Variants in RSPRY1 observed in about 807,000 individuals in gnomAD.
RSPRY1 encodes RING finger and SPRY domain-containing protein 1.
A neutral mutation model predicts 73.1 loss-of-function variants in RSPRY1; 23 were observed. That is an observed-to-expected ratio of 0.31 (90% CI 0.23 to 0.45). RSPRY1 has a LOEUF of 0.45. Ranked by LOEUF, RSPRY1 falls within the 20% of genes least tolerant of loss-of-function variation. The pLI, the probability that RSPRY1 is intolerant of heterozygous loss-of-function variation, is 1.00. For synonymous variants in RSPRY1, 226 were observed against 251.4 expected (o/e 0.90, Z 0.95); for missense variants, 448 against 698.7 (o/e 0.64, Z 4.05).
intron 10 of RSPRY1, among the ~76,000 whole-genome samples, chr16:57,225,349 C>T (rs1246246276): frequency 6.6e-6 from 1 of 152,226 alleles, no homozygotes; most frequent in Admixed American, 6.5e-5. Flanking sequence ...CTGCTCTTGG[C>T]AGCCTTGGGT....
chr16:57,230,822 C>T lies in RSPRY1; in HGVS notation c.1376+9C>T. ...GTCTTTTCATCTACTGTGTAAGTAGCTCTTCTCAGTCAAAAATTCGAGTAG... is the reference window on the plus strand; with the variant it reads ...GTCTTTTCATCTACTGTGTAAGTAGTTCTTCTCAGTCAAAAATTCGAGTAG... On this transcript the variant is annotated intron_variant, in intron 12 of 14. Coordinates refer to ENST00000394420, the MANE Select transcript of RSPRY1 (RefSeq NM_133368.3). 6.6e-7 allele frequency: 1 copy of T among 1,523,076 alleles called. No individual in the cohort carries two copies. The highest frequency in any genetic ancestry group is 1.4e-5 in the African/African-American group (1 of 73,164). 94.3% of individuals were successfully genotyped at this position (1,523,076 alleles called of 1,614,324 possible). A position where few individuals can be genotyped will look rare whatever the true frequency, so the allele number is the denominator to read the frequency against.
At chr16:57,222,217 A>AT (rs201838465) in intron 10 of RSPRY1, among the ~76,000 whole-genome samples, 3,507 of 152,268 alleles carry the variant, frequency 0.023, 48 homozygotes, top group Non-Finnish European at 0.035. Flanking sequence ...ATCCAACAAA[A>AT]TCAAGCTAAA....
chr16:57,213,167 T>G (rs1436881734), intron 5 of RSPRY1, 69 bp downstream of exon 5: 1 of 1,464,492 alleles, frequency 6.8e-7, no homozygotes, highest in Admixed American at 2.1e-5. Context: ...TTGTACTGTA[T>G]GTCTTTGATC....
intron 7 of RSPRY1, 111 bp from the exon 8 acceptor site, chr16:57,216,793 C>A: frequency 1.0e-6 from 1 of 981,014 alleles, no homozygotes; most frequent in Non-Finnish European, 1.6e-6. Flanking sequence ...GAAGTCTAAT[C>A]TAGTCTCCAA....
chr16:57,220,984 G>A, intron 9 of RSPRY1, 137 bp downstream of exon 9: 1 of 693,486 alleles, frequency 1.4e-6, no homozygotes, highest in Non-Finnish European at 2.5e-6. Context: ...TCAGGGGGAA[G>A]TCTCAAAGAG....
rs546141489 is a variant in RSPRY1, at chr16:57,240,455, T to G, written c.*1480T>G. On this transcript the variant is annotated 3_prime_UTR_variant, in exon 15 of 15. Transcript: ENST00000394420. ...AATTTGCATTGAAGAATAAAACATC[T>G]GTTGCCTTTTTTGACTAAGATTTCA... is the stretch of plus-strand genomic sequence containing the variant. The G allele has an allele frequency of 1.3e-5, 2 of 152,298 alleles. No homozygotes were observed. The highest frequency in any genetic ancestry group is 4.8e-5 in the African/African-American group (2 of 41,566). The allele number at this position is 152,298 out of a possible 1,614,324, so 9.4% of individuals were successfully genotyped here. A position where few individuals can be genotyped will look rare whatever the true frequency, so the allele number is the denominator to read the frequency against.
At chr16:57,230,610 A>C in intron 11 of RSPRY1, 101 bp from the exon 12 acceptor site, 1 of 624,954 alleles carries the variant, frequency 1.6e-6, no homozygotes, top group East Asian at 2.7e-5. Context: ...ATAGCTAAAG[A>C]TGCAGACTTA....
At chr16:57,221,970 T>C (rs1296011424) in intron 10 of RSPRY1, among the ~76,000 whole-genome samples, 1 of 152,226 alleles carries the variant, frequency 6.6e-6, no homozygotes, top group African/African-American at 2.4e-5. Flanking sequence ...TTCCTCCCTT[T>C]CCTACAGATG....
intron 13 of RSPRY1, among the ~76,000 whole-genome samples, chr16:57,231,957 C>A (rs2075228506): frequency 6.6e-6 from 1 of 152,206 alleles, no homozygotes; most frequent in Admixed American, 6.5e-5. Context: ...TGAATGTAGT[C>A]TATTCCTTAG....
intron 11 of RSPRY1, among the ~76,000 whole-genome samples, chr16:57,228,547 G>GA (rs1228503783): frequency 2.0e-5 from 3 of 151,484 alleles, no homozygotes; most frequent in Non-Finnish European, 4.4e-5. Context: ...TTGAAAAATA[G>GA]AAAAAAAATG....
intron 10 of RSPRY1, among the ~76,000 whole-genome samples, chr16:57,222,661 T>A (rs1324749620): frequency 6.6e-6 from 1 of 152,210 alleles, no homozygotes; most frequent in Non-Finnish European, 1.5e-5. Flanking sequence ...CATACCAGAA[T>A]TCAGTGGCCT....
intron 1 of RSPRY1, among the ~76,000 whole-genome samples, chr16:57,202,892 A>ATATATATGAT (rs1555500028): frequency 6.2e-5 from 9 of 146,290 alleles, no homozygotes; most frequent in African/African-American, 2.2e-4. Flanking sequence ...ATATATATAT[A>ATATATATGAT]TATATATATA....
chr16:57,209,027 T>C (rs1189484825), intron 3 of RSPRY1, 48 bp from the exon 4 acceptor site: 2 of 1,270,900 alleles, frequency 1.6e-6, no homozygotes, highest in South Asian at 2.6e-5. Flanking sequence ...TATTTTCACA[T>C]TTTAAAAATA....
rs147866214 is a variant in RSPRY1, at chr16:57,203,888, A to G, written c.-155-616A>G. On this transcript the variant is annotated intron_variant, in intron 1 of 14. Transcript: ENST00000394420. ...TTTCCCAAAACAAAGCCTTGCTTAC[A>G]TAACAGAAACACTTTGCAACAACTT... 1.2e-3 allele frequency among the ~76,000 whole-genome samples: 184 copies of G among 152,378 alleles called. 1 individual carries two copies. The highest frequency in any genetic ancestry group is 6.8e-3 in the Admixed American group (104 of 15,308).
chr16:57,216,766 C>T lies in RSPRY1; in HGVS notation c.770-138C>T, dbSNP rs2074948509. The T allele has an allele frequency of 3.8e-6, 3 of 794,704 alleles. No individual in the cohort carries two copies. In the East Asian group the frequency reaches 7.6e-5, roughly 20 times the overall value. 49.2% of individuals were successfully genotyped at this position (794,704 alleles called of 1,614,324 possible). The stretch of plus-strand genomic sequence containing the variant: ...AGTCAAAGCTCTTTGGCTATGTTTT[C>T]CCTAGAAATTTTAATTGAAGTCTAA... On this transcript the variant is annotated intron_variant, in intron 7 of 14. Transcript: ENST00000394420.
At chr16:57,197,142 G>A (rs2074463025) in intron 1 of RSPRY1, among the ~76,000 whole-genome samples, 1 of 151,796 alleles carries the variant, frequency 6.6e-6, no homozygotes, top group East Asian at 1.9e-4. Context: ...TTTTTGAATG[G>A]ATGAAACAAA....
At chr16:57,203,417 A>G (rs2074663045) in intron 1 of RSPRY1, among the ~76,000 whole-genome samples, 1 of 152,296 alleles carries the variant, frequency 6.6e-6, no homozygotes, top group Non-Finnish European at 1.5e-5. Context: ...AATTAATTGT[A>G]ACTAGCCAGA....
At position 57,218,957 on chromosome 16, in the gene RSPRY1, C is replaced by T. The variant is rs1452307778; in HGVS notation, c.902-1775C>T. The stretch of plus-strand genomic sequence containing the variant: ...TTCACCGTTTTAGCCGGGATGGTCT[C>T]GATCTCCTGACCTCGTGATCCGCCC... On this transcript the variant is annotated intron_variant, in intron 8 of 14. Coordinates refer to ENST00000394420, the MANE Select transcript of RSPRY1 (RefSeq NM_133368.3). Among the ~76,000 whole-genome samples the T allele has an allele frequency of 1.3e-4, 16 of 123,096 alleles. 1 individual carries two copies. 80.8% of individuals were successfully genotyped at this position (123,096 alleles called of 152,430 possible). A position where few individuals can be genotyped will look rare whatever the true frequency, so the allele number is the denominator to read the frequency against.
chr16:57,196,034 A>AATATATATATAT (rs1555499008), intron 1 of RSPRY1, among the ~76,000 whole-genome samples: 2 of 122,822 alleles, frequency 1.6e-5, no homozygotes, highest in African/African-American at 6.0e-5. Context: ...AAAAAAAAAA[A>AATATATATATAT]ATATATATAT....
Sources: allele counts gnomAD v4.1 joint callset (sites outside exome capture counted in the v4.1 genomes callset), GRCh38; gene constraint gnomAD v4.1.1; transcripts MANE v1.5; gene names NCBI Gene and HGNC (gene_info 2026-07-23, HGNC 2026-07-21).